The following UNC5D variants were observed in gnomAD, a reference collection of about 807,000 sequenced individuals.
UNC5D encodes netrin receptor UNC5D.
A neutral mutation model predicts 105.4 loss-of-function variants in UNC5D; 39 were observed. That is an observed-to-expected ratio of 0.37 (90% confidence interval 0.29 to 0.48). The LOEUF (loss-of-function observed/expected upper bound fraction) is 0.48, where lower values mean the gene tolerates loss of function less well. Ranked by LOEUF, UNC5D falls within the 20% of genes least tolerant of loss-of-function variation. The probability of loss-of-function intolerance (pLI) is 0.98; values close to 1 mark genes in which losing one functional copy is unlikely to be tolerated. For missense variants in UNC5D, 991 were observed against 1,202.4 expected (o/e 0.82, Z 2.60); for synonymous variants, 452 against 450.4 (o/e 1.00, Z -0.04).
At chr8:35,249,027 T>TTATATAATATATTATATATAAAAA (rs1563248814) in intron 1 of UNC5D, among the ~76,000 whole-genome samples, 2 of 32,648 alleles carry the variant, frequency 6.1e-5, no homozygotes, top group African/African-American at 1.2e-4. Context: ...TTATATATGT[T>TTATATAATATATTATATATAAAAA]TATATAATAT....
intron 3 of UNC5D, among the ~76,000 whole-genome samples, chr8:35,574,294 T>C (rs1399282105): frequency 6.6e-6 from 1 of 152,204 alleles, no homozygotes; most frequent in Non-Finnish European, 1.5e-5. Flanking sequence ...AAAGGGAATG[T>C]TTGCCTGTTT....
chr8:35,374,320 G>A (rs2128927350), intron 1 of UNC5D, among the ~76,000 whole-genome samples: 1 of 152,282 alleles, frequency 6.6e-6, no homozygotes, highest in East Asian at 1.9e-4. Flanking sequence ...AGTTGTACTG[G>A]TGAAAAGAAG....
At chr8:35,659,366 A>G (rs959775557) in intron 4 of UNC5D, among the ~76,000 whole-genome samples, 5 of 152,206 alleles carry the variant, frequency 3.3e-5, no homozygotes, top group Admixed American at 1.3e-4. Flanking sequence ...CAATTTTGTG[A>G]AATGAAGACT....
At chr8:35,516,541 C>T (rs1353070479) in intron 1 of UNC5D, among the ~76,000 whole-genome samples, 1 of 152,126 alleles carries the variant, frequency 6.6e-6, no homozygotes, top group Non-Finnish European at 1.5e-5. Flanking sequence ...ATCATGCCAT[C>T]AATAGATGGA....
intron 1 of UNC5D, among the ~76,000 whole-genome samples, chr8:35,273,415 C>A (rs940387168): frequency 6.6e-6 from 1 of 152,102 alleles, no homozygotes; most frequent in African/African-American, 2.4e-5. Context: ...TACTGAAGGT[C>A]CTTGCCCCAA....
At chr8:35,488,970 T>C (rs889701933) in intron 1 of UNC5D, among the ~76,000 whole-genome samples, 3 of 152,002 alleles carry the variant, frequency 2.0e-5, no homozygotes, top group Non-Finnish European at 4.4e-5. Flanking sequence ...GGGCGGGCCG[T>C]ATAAGGCAGA....
At chr8:35,404,050 T>C in intron 1 of UNC5D, among the ~76,000 whole-genome samples, 1 of 152,182 alleles carries the variant, frequency 6.6e-6, no homozygotes, top group East Asian at 1.9e-4. Flanking sequence ...GCAGATGGTA[T>C]TCCCTTCTCT....
chr8:35,438,370 TTCATGG>T (rs759015984), intron 1 of UNC5D, among the ~76,000 whole-genome samples: 8 of 152,070 alleles, frequency 5.3e-5, no homozygotes, highest in Non-Finnish European at 7.4e-5. Flanking sequence ...GTAGAGTGTC[TTCATGG>T]TGCCTCAGTG....
intron 1 of UNC5D, among the ~76,000 whole-genome samples, chr8:35,317,176 C>A (rs1370501879): frequency 1.3e-5 from 2 of 152,156 alleles, no homozygotes; most frequent in Non-Finnish European, 2.9e-5. Flanking sequence ...TCCAGTGAAT[C>A]TTCCATCGAC....
rs59029374 is a variant in UNC5D, at chr8:35,695,710, A to ATTATTTATTTATTTAT, written c.1084+9028_1084+9043dup. Among the ~76,000 whole-genome samples, 7 of 146,418 alleles carry ATTATTTATTTATTTAT rather than the reference A, an allele frequency of 4.8e-5. No homozygotes were observed. In the East Asian group the frequency reaches 1.2e-3, roughly 25 times the overall value. ...CAACCTGGCCAGAAAGTATTTTTATATTATTTATTTATTTATTTATTTATT... is the reference window on the plus strand; with the variant it reads ...CAACCTGGCCAGAAAGTATTTTTATATTATTTATTTATTTATTTATTTATTTATTTATTTATTTATT... On this transcript the variant is annotated intron_variant, in intron 7 of 16. Transcript: ENST00000404895.
At chr8:35,383,062 G>A (rs916280569) in intron 1 of UNC5D, among the ~76,000 whole-genome samples, 4 of 152,106 alleles carry the variant, frequency 2.6e-5, no homozygotes, top group East Asian at 1.9e-4. Flanking sequence ...GTTTGACAGC[G>A]CTTTACAGTT....
At position 35,510,546 on chromosome 8, in the gene UNC5D, C is replaced by T. The variant is rs979820388; in HGVS notation, c.104-38746C>T. Among the ~76,000 whole-genome samples the T allele has an allele frequency of 7.2e-5, 11 of 152,180 alleles. No homozygotes were observed. In the East Asian group the frequency reaches 2.1e-3, roughly 30 times the overall value. ...TCATTGCTGAGGTTGTAATAAATAG[C>T]CTCTTACCACCTCTGCCTCATGAGG... On this transcript the variant is annotated intron_variant, in intron 1 of 16. Coordinates refer to ENST00000404895, the MANE Select transcript of UNC5D (RefSeq NM_080872.4).
At chr8:35,395,746 C>A (rs1804058821) in intron 1 of UNC5D, among the ~76,000 whole-genome samples, 1 of 152,258 alleles carries the variant, frequency 6.6e-6, no homozygotes, top group South Asian at 2.1e-4. Context: ...TCATTCAGCA[C>A]AAAAATCTGC....
intron 2 of UNC5D, among the ~76,000 whole-genome samples, chr8:35,561,839 A>T (rs1044336204): frequency 1.3e-5 from 2 of 152,222 alleles, no homozygotes; most frequent in Admixed American, 1.3e-4. Context: ...AAATAAGGAT[A>T]ATAGAAATAT....
chr8:35,336,363 G>A (rs1347346259), intron 1 of UNC5D, among the ~76,000 whole-genome samples: 1 of 152,164 alleles, frequency 6.6e-6, no homozygotes, highest in Admixed American at 6.6e-5. Flanking sequence ...CAGATTACAT[G>A]ATGAGATGCT....
chr8:35,623,644 T>G (rs1821503186), intron 4 of UNC5D, among the ~76,000 whole-genome samples: 1 of 152,188 alleles, frequency 6.6e-6, no homozygotes, highest in South Asian at 2.1e-4. Context: ...ATTAGACAAG[T>G]GTTGCCAACT....
At chr8:35,677,365 C>A (rs1341997064) in intron 4 of UNC5D, among the ~76,000 whole-genome samples, 1 of 152,134 alleles carries the variant, frequency 6.6e-6, no homozygotes, top group African/African-American at 2.4e-5. Context: ...CTTTAACATG[C>A]AAGCAGTGCT....
chr8:35,417,611 A>G (rs752551894), intron 1 of UNC5D, among the ~76,000 whole-genome samples: 3 of 152,162 alleles, frequency 2.0e-5, no homozygotes, highest in Non-Finnish European at 2.9e-5. Flanking sequence ...GTAACAGGTC[A>G]AATATATAGA....
At chr8:35,341,274 G>T (rs1043564356) in intron 1 of UNC5D, among the ~76,000 whole-genome samples, 3 of 152,048 alleles carry the variant, frequency 2.0e-5, no homozygotes, top group Admixed American at 1.3e-4. Flanking sequence ...ACTCATTTTT[G>T]ATATCTATGG....
Sources: allele counts gnomAD v4.1 joint callset (sites outside exome capture counted in the v4.1 genomes callset), GRCh38; gene constraint gnomAD v4.1.1; transcripts MANE v1.5; gene names NCBI Gene and HGNC (gene_info 2026-07-23, HGNC 2026-07-21).